The following GRIK1 variants were observed in gnomAD, a reference collection of about 807,000 sequenced individuals.
GRIK1 encodes the protein glutamate receptor ionotropic, kainate 1.
GRIK1 carries 69 observed loss-of-function variants against 105.7 expected under a neutral mutation model. The ratio of observed to expected loss-of-function variants is 0.65; its 90% CI spans 0.54 to 0.80. The LOEUF is 0.80. GRIK1 is among the 30% of genes least tolerant of loss of function. The pLI, the probability that GRIK1 is intolerant of heterozygous loss-of-function variation, is 0.00. For missense variants in GRIK1, 1,109 were observed against 1,167.3 expected (o/e 0.95, Z 0.73); for synonymous variants, 438 against 431.3 (o/e 1.02, Z -0.19).
chr21:29,918,623 T>A (rs1185662100), intron 1 of GRIK1, among the ~76,000 whole-genome samples: 1 of 152,072 alleles, frequency 6.6e-6, no homozygotes, highest in Non-Finnish European at 1.5e-5. Flanking sequence ...GAAATGTGTG[T>A]GTGTCAATAT....
intron 1 of GRIK1, among the ~76,000 whole-genome samples, chr21:29,848,780 T>TATATATATA (rs1255846155): frequency 4.6e-4 from 13 of 28,430 alleles, no homozygotes; most frequent in Admixed American, 8.8e-4. Context: ...TATATATATA[T>TATATATATA]TTTTTTTTTT....
At chr21:29,558,058 CA>C (rs939650248) in intron 15 of GRIK1, among the ~76,000 whole-genome samples, 4 of 152,106 alleles carry the variant, frequency 2.6e-5, no homozygotes, top group African/African-American at 9.7e-5. Flanking sequence ...GTAAGCTGTT[CA>C]AACCTTAAAT....
chr21:29,829,665 C>A (rs1240541208), intron 1 of GRIK1, among the ~76,000 whole-genome samples: 1 of 152,112 alleles, frequency 6.6e-6, no homozygotes, highest in Non-Finnish European at 1.5e-5. Flanking sequence ...ATTTAAGAAG[C>A]CTTTGAGGAC....
chr21:29,729,453 G>A (rs1443215539), intron 1 of GRIK1, among the ~76,000 whole-genome samples: 1 of 152,142 alleles, frequency 6.6e-6, no homozygotes, highest in Non-Finnish European at 1.5e-5. Context: ...TCATGCTGTG[G>A]TGTTTGTCAT....
chr21:29,782,637 T>C (rs1410068988), intron 1 of GRIK1, among the ~76,000 whole-genome samples: 5 of 152,186 alleles, frequency 3.3e-5, no homozygotes, highest in African/African-American at 1.2e-4. Flanking sequence ...CTGTTTGTCT[T>C]GTAGATTTGA....
chr21:29,589,104 A>G (rs1483715649), intron 10 of GRIK1, 62 bp from the exon 11 acceptor site: 2 of 874,150 alleles, frequency 2.3e-6, no homozygotes, highest in African/African-American at 3.3e-5. Context: ...TTACCCTATC[A>G]GCAGCTTGAA....
intron 1 of GRIK1, among the ~76,000 whole-genome samples, chr21:29,758,526 A>T (rs1008200034): frequency 6.6e-6 from 1 of 152,160 alleles, no homozygotes; most frequent in Non-Finnish European, 1.5e-5. Flanking sequence ...CCCCCGACAT[A>T]TGGGAATTAT....
intron 3 of GRIK1, among the ~76,000 whole-genome samples, chr21:29,686,700 T>C (rs1369125715): frequency 1.3e-5 from 2 of 152,226 alleles, no homozygotes; most frequent in Non-Finnish European, 2.9e-5. Context: ...AAGACCCCCA[T>C]GGCCATAAAG....
intron 12 of GRIK1, among the ~76,000 whole-genome samples, chr21:29,584,846 A>T (rs1285139228): frequency 6.6e-6 from 1 of 152,178 alleles, no homozygotes; most frequent in Non-Finnish European, 1.5e-5. Context: ...GATGGTAGGA[A>T]GTAAAGGTGA....
At chr21:29,700,288 A>G (rs1240968976) in intron 1 of GRIK1, among the ~76,000 whole-genome samples, 3 of 152,144 alleles carry the variant, frequency 2.0e-5, no homozygotes, top group Non-Finnish European at 4.4e-5. Context: ...GATGGGTGCA[A>G]TGAAGGGTTG....
intron 1 of GRIK1, among the ~76,000 whole-genome samples, chr21:29,914,099 A>G (rs2070912433): frequency 6.6e-6 from 1 of 151,950 alleles, no homozygotes; most frequent in South Asian, 2.1e-4. Context: ...GTTTTCCTGC[A>G]TACTATAGGA....
At chr21:29,627,819 C>A (rs772091977) in intron 7 of GRIK1, among the ~76,000 whole-genome samples, 2 of 152,178 alleles carry the variant, frequency 1.3e-5, no homozygotes, top group African/African-American at 4.8e-5. Context: ...CTTTTGTTAA[C>A]ACTTTAGTAT....
intron 1 of GRIK1, among the ~76,000 whole-genome samples, chr21:29,722,542 A>T (rs952055374): frequency 1.3e-5 from 2 of 151,040 alleles, no homozygotes; most frequent in Non-Finnish European, 3.0e-5. Context: ...GGTGACTGAG[A>T]GAGACTCTGT....
chr21:29,812,084 C>CTA (rs1201875939), intron 1 of GRIK1, among the ~76,000 whole-genome samples: 2 of 152,056 alleles, frequency 1.3e-5, no homozygotes, highest in Non-Finnish European at 2.9e-5. Flanking sequence ...AAATTGACAC[C>CTA]TATGTGTGTG....
At position 29,696,891 on chromosome 21, in the gene GRIK1, C is replaced by T. The variant is rs1247864117; in HGVS notation, c.119-2828G>A. ...TGAATTTTGAAACCTGATCTACCTA[C>T]TTCCTCTTTGAGAAGGATTTTTAAG... On this transcript the variant is annotated intron_variant, in intron 1 of 17. Coordinates refer to ENST00000327783, the MANE Select transcript of GRIK1 (RefSeq NM_001330994.2). Among the ~76,000 whole-genome samples, 4 of 152,200 alleles carry T rather than the reference C, an allele frequency of 2.6e-5. No homozygotes were observed. In the South Asian group the frequency reaches 8.3e-4, roughly 32 times the overall value.
At chr21:29,809,340 C>G (rs2066947417) in intron 1 of GRIK1, among the ~76,000 whole-genome samples, 1 of 152,176 alleles carries the variant, frequency 6.6e-6, no homozygotes. Context: ...ATTATGTTTA[C>G]ACTCTACTGT....
chr21:29,669,652 C>T (rs543093986), intron 4 of GRIK1, among the ~76,000 whole-genome samples: 34 of 152,256 alleles, frequency 2.2e-4, no homozygotes, highest in Admixed American at 1.0e-3. Context: ...GCGTCAGTTG[C>T]CTCACCTCGA....
At chr21:29,623,753 G>A (rs982117048) in intron 7 of GRIK1, among the ~76,000 whole-genome samples, 1 of 152,096 alleles carries the variant, frequency 6.6e-6, no homozygotes, top group Non-Finnish European at 1.5e-5. Flanking sequence ...TGAATAGAAA[G>A]CACTGGTATA....
chr21:29,873,427 T>G (rs897405841), intron 1 of GRIK1, among the ~76,000 whole-genome samples: 2 of 152,208 alleles, frequency 1.3e-5, no homozygotes, highest in Non-Finnish European at 2.9e-5. Flanking sequence ...AACAGGGGTG[T>G]AAACTTGGAT....
Sources: allele counts gnomAD v4.1 joint callset (sites outside exome capture counted in the v4.1 genomes callset), GRCh38; gene constraint gnomAD v4.1.1; transcripts MANE v1.5; gene names NCBI Gene and HGNC (gene_info 2026-07-23, HGNC 2026-07-21).